The following SHLD2 variants were observed in gnomAD, a reference collection of about 807,000 sequenced individuals.
The protein encoded by SHLD2 is RINN1-REV7-interacting novel NHEJ regulator 2.
A neutral mutation model predicts 73.2 loss-of-function variants in SHLD2; 30 were observed. The observed-to-expected ratio is 0.41, with a 90% confidence interval of 0.31 to 0.56. The LOEUF is 0.56. Among genes scored for constraint, SHLD2 ranks in the 20% least tolerant of loss-of-function variants. The pLI is 0.28. For synonymous variants in SHLD2, 285 were observed against 370.1 expected, an observed-to-expected ratio of 0.77 and a Z score of 2.64; for missense variants, 745 against 1,055.9, an observed-to-expected ratio of 0.71 and a Z score of 4.08.
intron 2 of SHLD2, among the ~76,000 whole-genome samples, chr10:87,101,281 G>GC: frequency 6.6e-6 from 1 of 152,266 alleles, no homozygotes; most frequent in African/African-American, 2.4e-5. Flanking sequence ...TGTATATTTG[G>GC]CTTAAATGTT....
At chr10:87,097,772 GT>G (rs1234787723) in intron 2 of SHLD2, among the ~76,000 whole-genome samples, 4 of 151,702 alleles carry the variant, frequency 2.6e-5, no homozygotes, top group Non-Finnish European at 5.9e-5. Context: ...GTTTTGTTTT[GT>G]TTTTTTGAGA....
At chr10:87,148,032 A>G (rs1564596967) in intron 2 of SHLD2, among the ~76,000 whole-genome samples, 1 of 151,768 alleles carries the variant, frequency 6.6e-6, no homozygotes, top group Admixed American at 6.6e-5. Context: ...TAATTTTCGT[A>G]TTTTTACAGG....
chr10:87,145,582 T>C (rs1205362619), intron 2 of SHLD2, among the ~76,000 whole-genome samples: 2 of 151,862 alleles, frequency 1.3e-5, no homozygotes, highest in African/African-American at 4.8e-5. Context: ...AGGGAGTTTT[T>C]TCACTCCCTG....
intron 9 of SHLD2, among the ~76,000 whole-genome samples, chr10:87,187,677 T>G (rs930453341): frequency 6.6e-6 from 1 of 152,256 alleles, no homozygotes; most frequent in African/African-American, 2.4e-5. Flanking sequence ...CTAATCTGGT[T>G]CCGTGATTGC....
At chr10:87,146,625 A>G (rs1422348466) in intron 2 of SHLD2, among the ~76,000 whole-genome samples, 1 of 151,424 alleles carries the variant, frequency 6.6e-6, no homozygotes, top group Non-Finnish European at 1.5e-5. Flanking sequence ...CTCATTAGCT[A>G]TCATTAGTGT....
At chr10:87,126,082 T>TA (rs1843987594) in intron 2 of SHLD2, among the ~76,000 whole-genome samples, 1 of 152,186 alleles carries the variant, frequency 6.6e-6, no homozygotes, top group East Asian at 1.9e-4. Context: ...TGGGTTTTTT[T>TA]GTTGTTGCTT....
intron 2 of SHLD2, among the ~76,000 whole-genome samples, chr10:87,128,931 A>T (rs1444062502): frequency 6.6e-5 from 10 of 152,122 alleles, no homozygotes; most frequent in Non-Finnish European, 1.3e-4. Flanking sequence ...TTGAGACGGA[A>T]TCCCACTCTC....
At chr10:87,185,584 T>C (rs7080675) in intron 8 of SHLD2, among the ~76,000 whole-genome samples, 85,716 of 151,966 alleles carry the variant, frequency 0.56, 24,917 homozygotes, top group Middle Eastern at 0.66. Context: ...CTTCTTATTC[T>C]GTATTTCTTT....
chr10:87,100,341 CTATT>C (rs1397817400), intron 2 of SHLD2, among the ~76,000 whole-genome samples: 1 of 152,178 alleles, frequency 6.6e-6, no homozygotes, highest in Non-Finnish European at 1.5e-5. Flanking sequence ...GCTCAAAAGA[CTATT>C]TCTTTCCCAT....
At chr10:87,095,396 A>G (rs1217363866) in intron 1 of SHLD2, 148 bp downstream of exon 1, 1 of 152,150 alleles carries the variant, frequency 6.6e-6, no homozygotes, top group African/African-American at 2.4e-5. Context: ...GGACCGGGTC[A>G]TGTGAGTCAC....
chr10:87,172,779 A>AT (rs1193893183), intron 6 of SHLD2, among the ~76,000 whole-genome samples: 2 of 152,028 alleles, frequency 1.3e-5, no homozygotes, highest in Middle Eastern at 3.2e-3. Context: ...AAAACCCTTT[A>AT]TATATAATAG....
At chr10:87,105,803 A>C (rs1454347642) in intron 2 of SHLD2, among the ~76,000 whole-genome samples, 3 of 152,178 alleles carry the variant, frequency 2.0e-5, no homozygotes, top group Non-Finnish European at 4.4e-5. Flanking sequence ...ATATCCCGGT[A>C]TTAGTGAAGA....
At position 87,121,697 on chromosome 10, in the gene SHLD2, A is replaced by T. The variant is rs1394017063; in HGVS notation, c.-6+24708A>T. Among the ~76,000 whole-genome samples, 4 of 151,812 alleles carry T rather than the reference A, an allele frequency of 2.6e-5. No individual in the cohort carries two copies. The East Asian group carries it at 7.7e-4, about 29-fold the overall frequency. On this transcript the variant is annotated intron_variant, in intron 2 of 9. Coordinates refer to ENST00000298786, the MANE Select transcript of SHLD2 (RefSeq NM_001330112.2). ...GTGAACGAATGTTGGGCATATTATT[A>T]TGCAAGTGACTGAATTTGGCTTTGC... is the stretch of plus-strand genomic sequence containing the variant.
chr10:87,127,679 A>G (rs1024097435), intron 2 of SHLD2, among the ~76,000 whole-genome samples: 1 of 151,374 alleles, frequency 6.6e-6, no homozygotes, highest in Non-Finnish European at 1.5e-5. Flanking sequence ...ATTATTTGAT[A>G]TGAAAAAGGA....
intron 2 of SHLD2, among the ~76,000 whole-genome samples, chr10:87,103,416 G>A (rs1842396441): frequency 6.6e-6 from 1 of 152,098 alleles, no homozygotes; most frequent in South Asian, 2.1e-4. Flanking sequence ...AGGGTGGCAT[G>A]CGCTTTGGTT....
At chr10:87,166,456 T>A (rs1010184870) in intron 4 of SHLD2, among the ~76,000 whole-genome samples, 8 of 151,962 alleles carry the variant, frequency 5.3e-5, no homozygotes, top group Non-Finnish European at 1.2e-4. Context: ...AAAGGAAAAA[T>A]TTTTAAATGA....
At chr10:87,123,512 AT>A (rs1301263068) in intron 2 of SHLD2, among the ~76,000 whole-genome samples, 1 of 152,004 alleles carries the variant, frequency 6.6e-6, no homozygotes, top group Non-Finnish European at 1.5e-5. Context: ...TGTTTCTTTT[AT>A]TGATTGAGTT....
chr10:87,096,150 A>G (rs1329647587), intron 1 of SHLD2, among the ~76,000 whole-genome samples: 1 of 142,874 alleles, frequency 7.0e-6, no homozygotes, highest in East Asian at 2.0e-4. Context: ...CGTTCTAGCG[A>G]TTCTCCTGCC....
chr10:87,181,977 A>C (rs1848339221), intron 8 of SHLD2, among the ~76,000 whole-genome samples: 1 of 151,920 alleles, frequency 6.6e-6, no homozygotes, highest in Non-Finnish European at 1.5e-5. Context: ...CATGTTGGTC[A>C]GGCTGGTCTC....
Sources: gnomAD v4.1 joint callset for allele counts (sites outside exome capture counted in the v4.1 genomes callset) on GRCh38, gnomAD v4.1.1 for gene constraint, MANE v1.5 for transcripts, NCBI Gene and HGNC (gene_info 2026-07-23, HGNC 2026-07-21) for gene names.